ADARB2: variants seen among roughly 807,000 people sequenced by gnomAD.
ADARB2 encodes inactive double-stranded RNA-specific editase B2.
Under a neutral mutation model 62.2 loss-of-function variants are expected in ADARB2, and 25 were observed. That is an observed-to-expected ratio of 0.40 (90% confidence interval 0.29 to 0.56). ADARB2 has a LOEUF of 0.56. ADARB2 is among the 20% of genes least tolerant of loss of function. ADARB2 has a pLI of 0.43. For synonymous variants in ADARB2, 572 were observed against 500.8 expected (o/e 1.14, Z -1.90); for missense variants, 1,071 against 1,077.4 (o/e 0.99, Z 0.08).
intron 1 of ADARB2, among the ~76,000 whole-genome samples, chr10:1,660,234 T>C (rs1234755422): frequency 6.6e-6 from 1 of 152,276 alleles, no homozygotes; most frequent in Non-Finnish European, 1.5e-5. Context: ...CACTGGCTAC[T>C]TCCTGGAGGA....
chr10:1,580,358 G>C (rs183009276), intron 1 of ADARB2, among the ~76,000 whole-genome samples: 2 of 152,256 alleles, frequency 1.3e-5, no homozygotes, highest in Admixed American at 6.5e-5. Context: ...GTGAGAAAAT[G>C]TGGTGTTTGG....
At chr10:1,473,615 C>G (rs923601988) in intron 1 of ADARB2, among the ~76,000 whole-genome samples, 5 of 152,178 alleles carry the variant, frequency 3.3e-5, no homozygotes, top group African/African-American at 1.2e-4. Flanking sequence ...TTCCTGGGCT[C>G]AAGCTATCCA....
At chr10:1,548,440 C>G (rs1667376257) in intron 1 of ADARB2, among the ~76,000 whole-genome samples, 1 of 152,220 alleles carries the variant, frequency 6.6e-6, no homozygotes, top group South Asian at 2.1e-4. Context: ...CCGGCATAGC[C>G]AAAGACCCCT....
Position 1,242,379 on chromosome 10 carries a change from A to G in ADARB2, c.1193-80T>C, listed in dbSNP as rs900203497. The G allele has an allele frequency of 2.8e-6, 4 of 1,447,018 alleles. No homozygotes were observed. The African/African-American group carries it at 5.7e-5, about 20-fold the overall frequency. The allele number at this position is 1,447,018 out of a possible 1,614,324, so 89.6% of individuals were successfully genotyped here. On this transcript the variant is annotated intron_variant, in intron 4 of 9. Transcript: ENST00000381312. ...TCCTCGGTCTTTTCAGGGTCTCACA[A>G]CAGCGGTTTCCCTGGGTTAGGAAAC... is the stretch of plus-strand genomic sequence containing the variant.
At position 1,263,857 on chromosome 10, in the gene ADARB2, G is replaced by A. The variant is rs187602700; in HGVS notation, c.1192+7098C>T. ...GCCAGGCTAAACTATTTAAATGTTC[G>A]GGTGGAACAAATGTCCAGTCATTGA... On this transcript the variant is annotated intron_variant, in intron 4 of 9. Transcript: ENST00000381312. Among the ~76,000 whole-genome samples the A allele has an allele frequency of 1.4e-3, 214 of 152,210 alleles. 1 individual carries two copies. The highest frequency in any genetic ancestry group is 4.1e-3 in the African/African-American group (171 of 41,540).
intron 3 of ADARB2, among the ~76,000 whole-genome samples, chr10:1,328,011 A>ACAGC (rs1831892155): frequency 6.6e-6 from 1 of 151,564 alleles, no homozygotes; most frequent in African/African-American, 2.4e-5. Context: ...GCGCCTCCGC[A>ACAGC]TTCTGGGGGC....
chr10:1,695,123 C>T (rs11250740), intron 1 of ADARB2, among the ~76,000 whole-genome samples: 4,789 of 152,242 alleles, frequency 0.031, 152 homozygotes, highest in East Asian at 0.16. Context: ...GTTCAGCAGA[C>T]GGTTCACTCA....
At chr10:1,337,072 G>GTA (rs1831981178) in intron 3 of ADARB2, among the ~76,000 whole-genome samples, 1 of 150,076 alleles carries the variant, frequency 6.7e-6, no homozygotes, top group Non-Finnish European at 1.5e-5. Context: ...CTGTGTGTGT[G>GTA]TGTGTGTGTG....
chr10:1,495,980 A>G (rs1412174384), intron 1 of ADARB2, among the ~76,000 whole-genome samples: 1 of 151,938 alleles, frequency 6.6e-6, no homozygotes, highest in East Asian at 1.9e-4. Context: ...TGCCATGATT[A>G]TCATTTCTAT....
At chr10:1,699,080 C>A (rs1304470768) in intron 1 of ADARB2, among the ~76,000 whole-genome samples, 1 of 152,234 alleles carries the variant, frequency 6.6e-6, no homozygotes, top group Non-Finnish European at 1.5e-5. Flanking sequence ...TTTTTTTAAA[C>A]CTCATTTGGT....
At chr10:1,585,831 G>A (rs1033185960) in intron 1 of ADARB2, among the ~76,000 whole-genome samples, 11 of 152,084 alleles carry the variant, frequency 7.2e-5, no homozygotes, top group East Asian at 1.9e-4. Context: ...TCAGGAGATC[G>A]AGACCATCCT....
chr10:1,676,546 A>T (rs1401075072), intron 1 of ADARB2, among the ~76,000 whole-genome samples: 1 of 152,052 alleles, frequency 6.6e-6, no homozygotes, highest in Non-Finnish European at 1.5e-5. Context: ...TTTATTTTTG[A>T]GATAGGATCT....
At chr10:1,657,092 A>AT (rs954258370) in intron 1 of ADARB2, among the ~76,000 whole-genome samples, 60 of 148,896 alleles carry the variant, frequency 4.0e-4, no homozygotes, top group South Asian at 2.5e-3. Flanking sequence ...GCCAAATTCT[A>AT]TTTTTTTTTT....
chr10:1,723,023 C>A (rs1835114027), intron 1 of ADARB2, among the ~76,000 whole-genome samples: 1 of 152,184 alleles, frequency 6.6e-6, no homozygotes, highest in South Asian at 2.1e-4. Context: ...CATGCACATA[C>A]ACACACATGC....
chr10:1,189,564 C>T (rs1255875176), intron 8 of ADARB2, among the ~76,000 whole-genome samples: 1 of 152,082 alleles, frequency 6.6e-6, no homozygotes, highest in South Asian at 2.1e-4. Flanking sequence ...ACTCCTGGCT[C>T]ATTCCTCCTG....
intron 1 of ADARB2, among the ~76,000 whole-genome samples, chr10:1,664,103 G>A (rs1834284082): frequency 6.6e-6 from 1 of 152,076 alleles, no homozygotes; most frequent in African/African-American, 2.4e-5. Flanking sequence ...TCAGTGTGCG[G>A]GTTTGTGTGT....
intron 1 of ADARB2, among the ~76,000 whole-genome samples, chr10:1,729,877 C>G (rs1432116120): frequency 6.6e-6 from 1 of 152,164 alleles, no homozygotes; most frequent in Non-Finnish European, 1.5e-5. Context: ...TCACATCAGA[C>G]ATTAGGGAAA....
chr10:1,362,513 G>A (rs1832267703), intron 3 of ADARB2, among the ~76,000 whole-genome samples: 1 of 152,188 alleles, frequency 6.6e-6, no homozygotes, highest in African/African-American at 2.4e-5. Context: ...AACCGGAGGG[G>A]TCCTGCCGGG....
chr10:1,711,531 A>G (rs1447631381), intron 1 of ADARB2, among the ~76,000 whole-genome samples: 1 of 152,168 alleles, frequency 6.6e-6, no homozygotes, highest in Non-Finnish European at 1.5e-5. Flanking sequence ...ATTCCTTACT[A>G]AGGTGTTTTC....
Sources: gnomAD v4.1 joint callset for allele counts (sites outside exome capture counted in the v4.1 genomes callset) on GRCh38, gnomAD v4.1.1 for gene constraint, MANE v1.5 for transcripts, NCBI Gene and HGNC (gene_info 2026-07-23, HGNC 2026-07-21) for gene names.